GTSE1: variants seen among roughly 807,000 people sequenced by gnomAD.
GTSE1 encodes G2 and S phase-expressed protein 1.
In GTSE1, 52 loss-of-function variants were observed where a neutral mutation model predicts 60.5. The ratio of observed to expected loss-of-function variants is 0.86; its 90% CI spans 0.69 to 1.08. The LOEUF (loss-of-function observed/expected upper bound fraction) is 1.08, where lower values mean the gene tolerates loss of function less well. Among genes scored for constraint, GTSE1 ranks in the 50% least tolerant of loss-of-function variants. The pLI is 0.00. For synonymous variants in GTSE1, 368 were observed against 386.5 expected, an observed-to-expected ratio of 0.95 and a Z score of 0.56; for missense variants, 937 against 961.8, an observed-to-expected ratio of 0.97 and a Z score of 0.34.
In GTSE1 at chr22:46,313,573, A is replaced by C. The variant is rs562127023; in HGVS notation, c.928-317A>C. On this transcript the variant is annotated intron_variant, in intron 5 of 11. Transcript: ENST00000454366. This position sits in a 1 kb window ranked among gnomAD's most constrained non-coding sequence, Gnocchi z 4.4. Reference sequence around the variant, plus strand: ...GCCCAGGCTGGAGTGCAATGGCACGAGCTCAGCTCACTACAACCTCCACCT... The same window carrying C: ...GCCCAGGCTGGAGTGCAATGGCACGCGCTCAGCTCACTACAACCTCCACCT... Among the ~76,000 whole-genome samples, 1 of 152,364 alleles carries C rather than the reference A, an allele frequency of 6.6e-6. No homozygotes were observed. The highest frequency in any genetic ancestry group is 2.1e-4 in the South Asian group (1 of 4,828).
chr22:46,314,046 T>A lies in GTSE1; in HGVS notation c.1051+33T>A. On this transcript the variant is annotated intron_variant, in intron 6 of 11. Transcript: ENST00000454366. The surrounding 1 kb of genome is among the most constrained non-coding windows in gnomAD (Gnocchi z 7.1). ...AGCCGGCATCATGCTTGGACCCACATCTGGCCAGGTGAGGCCTGGAGTGCT... is the reference window on the plus strand; with the variant it reads ...AGCCGGCATCATGCTTGGACCCACAACTGGCCAGGTGAGGCCTGGAGTGCT... The A allele has an allele frequency of 6.2e-7, 1 of 1,612,200 alleles. No individual in the cohort carries two copies. Among genetic ancestry groups the A allele is most frequent in the Non-Finnish European group, 8.5e-7 (1 of 1,178,802 alleles).
At chr22:46,307,503 T>C (rs1269048320) in intron 2 of GTSE1, among the ~76,000 whole-genome samples, 3 of 148,072 alleles carry the variant, frequency 2.0e-5, no homozygotes, top group African/African-American at 7.8e-5. Context: ...GAATGGCTGA[T>C]GTAATTTCTT....
In GTSE1 at chr22:46,323,260, C is replaced by A; in HGVS notation, c.1503C>A (p.Gly501=). The A allele has an allele frequency of 6.2e-7, 1 of 1,611,188 alleles. No homozygotes were observed. Among genetic ancestry groups the A allele is most frequent in the Non-Finnish European group, 8.5e-7 (1 of 1,177,336 alleles). Reference sequence around the variant, plus strand: ...GGCCGCAGTCGTGCACGTCAGTTGGCAGGTGAGTGACGTTGGTCCGCTTCC... The same window carrying A: ...GGCCGCAGTCGTGCACGTCAGTTGGAAGGTGAGTGACGTTGGTCCGCTTCC... ...AQRPQSCTSV[G]RVTVHSTPVR... The change falls in exon 8 of 12, where the codon GGC becomes GGA. Residue 501 remains glycine, a splice_region_variant and synonymous_variant. Coordinates refer to ENST00000454366, the MANE Select transcript of GTSE1 (RefSeq NM_016426.7).
intron 8 of GTSE1, 26 bp from the exon 9 acceptor site, chr22:46,326,410 C>T (rs2147833538): frequency 6.5e-7 from 1 of 1,547,910 alleles, no homozygotes; most frequent in East Asian, 2.3e-5. Flanking sequence ...CATCTCAGCT[C>T]ACGACACTGA....
chr22:46,317,636 G>GAC lies in GTSE1; in HGVS notation c.1432+1225_1432+1226insCA, dbSNP rs1285942643. Among the ~76,000 whole-genome samples, 1 of 152,224 alleles carries GAC rather than the reference G, an allele frequency of 6.6e-6. No homozygotes were observed. The highest frequency in any genetic ancestry group is 1.5e-5 in the Non-Finnish European group (1 of 68,040). On this transcript the variant is annotated intron_variant, in intron 7 of 11. Coordinates refer to ENST00000454366, the MANE Select transcript of GTSE1 (RefSeq NM_016426.7). This position sits in a 1 kb window ranked among gnomAD's most constrained non-coding sequence, Gnocchi z 5.6. ...CTGGATTTTGTTGTCTTTCTCTGAG[G>GAC]AGTTGGGTTGGGCTTGGCAGGCAGT...
Position 46,316,538 on chromosome 22 carries a change from G to A in GTSE1, c.1432+126G>A, listed in dbSNP as rs566287547. ...CTTTCCTCCAACAGTGCTTTCAGGT[G>A]TGACCCGCTGTCTTCTCGCCCACGT... On this transcript the variant is annotated intron_variant, in intron 7 of 11. Coordinates refer to ENST00000454366, the MANE Select transcript of GTSE1 (RefSeq NM_016426.7). This position sits in a 1 kb window ranked among gnomAD's most constrained non-coding sequence, Gnocchi z 5.0. 4.2e-6 allele frequency: 3 copies of A among 717,532 alleles called. No homozygotes were observed. The highest frequency in any genetic ancestry group is 3.6e-5 in the African/African-American group (2 of 56,050). 44.4% of individuals were successfully genotyped at this position (717,532 alleles called of 1,614,324 possible). A position where few individuals can be genotyped will look rare whatever the true frequency, so the allele number is the denominator to read the frequency against.
intron 10 of GTSE1, 71 bp downstream of exon 10, chr22:46,328,960 C>A: frequency 7.9e-7 from 1 of 1,262,160 alleles, no homozygotes; most frequent in African/African-American, 1.5e-5. Flanking sequence ...GCCCGTGGAA[C>A]CCAGGGCTGT....
At chr22:46,325,645 AC>A (rs2077839379) in intron 8 of GTSE1, among the ~76,000 whole-genome samples, 1 of 152,176 alleles carries the variant, frequency 6.6e-6, no homozygotes, top group Non-Finnish European at 1.5e-5. Flanking sequence ...ACAGGTATGC[AC>A]CAATGTGCCC....
rs148713898 is a variant in GTSE1, at chr22:46,316,331, C to T, written c.1351C>T (p.Arg451Trp). 121 of 1,613,038 alleles carry T rather than the reference C, an allele frequency of 7.5e-5. No homozygotes were observed. In the African/African-American group the frequency reaches 1.2e-3, roughly 16 times the overall value. ...SQLNKTRSIR[R>W]RDSCLNSKTK... ...ATTGAATAAGACTAGAAGTATCAGACGGCGAGATTCCTGTCTAAATTCCAA... is the reference window on the plus strand; with the variant it reads ...ATTGAATAAGACTAGAAGTATCAGATGGCGAGATTCCTGTCTAAATTCCAA... Residue 451 changes from arginine (R) to tryptophan (W), a missense_variant, in exon 7 of 12, where the codon CGG becomes TGG. Transcript: ENST00000454366. The surrounding 1 kb of genome is among the most constrained non-coding windows in gnomAD (Gnocchi z 5.0).
At chr22:46,305,719 C>T (rs1195986560) in intron 2 of GTSE1, among the ~76,000 whole-genome samples, 2 of 151,286 alleles carry the variant, frequency 1.3e-5, no homozygotes, top group African/African-American at 2.4e-5. Context: ...CCAGCCTGGC[C>T]AACATGGTGA....
At position 46,316,550 on chromosome 22, in the gene GTSE1, C is replaced by A; in HGVS notation, c.1432+138C>A. ...AGTGCTTTCAGGTGTGACCCGCTGT[C>A]TTCTCGCCCACGTTGTTTTGGGGGG... On this transcript the variant is annotated intron_variant, in intron 7 of 11. Transcript: ENST00000454366. The surrounding 1 kb of genome is among the most constrained non-coding windows in gnomAD (Gnocchi z 5.0). The A allele has an allele frequency of 1.5e-6, 1 of 671,692 alleles. No individual in the cohort carries two copies. The highest frequency in any genetic ancestry group is 2.5e-6 in the Non-Finnish European group (1 of 399,278). The allele number at this position is 671,692 out of a possible 1,614,324, so 41.6% of individuals were successfully genotyped here.
chr22:46,313,540 ACT>A lies in GTSE1; in HGVS notation c.928-347_928-346del, dbSNP rs1160810769. The stretch of plus-strand genomic sequence containing the variant: ...GTTGTTGTTGTTGAGACGGAGTCTC[ACT>A]CTGTCGCCCAGGCTGGAGTGCAATG... On this transcript the variant is annotated intron_variant, in intron 5 of 11. Transcript: ENST00000454366. This position sits in a 1 kb window ranked among gnomAD's most constrained non-coding sequence, Gnocchi z 4.4. Among the ~76,000 whole-genome samples the A allele has an allele frequency of 6.6e-6, 1 of 152,132 alleles. No individual in the cohort carries two copies. The highest frequency in any genetic ancestry group is 2.4e-5 in the African/African-American group (1 of 41,420).
At chr22:46,326,740 C>T in intron 9 of GTSE1, 86 bp downstream of exon 9, 3 of 934,686 alleles carry the variant, frequency 3.2e-6, no homozygotes, top group African/African-American at 1.7e-5. Context: ...TTGCCTTGCT[C>T]CAGGTTTTAG....
At position 46,313,395 on chromosome 22, in the gene GTSE1, C is replaced by T. The variant is rs946565433; in HGVS notation, c.928-495C>T. ...TTTCTGCTAGCTCCCTAATGTGGTC[C>T]TCATGCAGGGGTTTGAAGACTACAC... On this transcript the variant is annotated intron_variant, in intron 5 of 11. Coordinates refer to ENST00000454366, the MANE Select transcript of GTSE1 (RefSeq NM_016426.7). This position sits in a 1 kb window ranked among gnomAD's most constrained non-coding sequence, Gnocchi z 4.4. Among the ~76,000 whole-genome samples, 2 of 152,096 alleles carry T rather than the reference C, an allele frequency of 1.3e-5. No individual in the cohort carries two copies. Among genetic ancestry groups the T allele is most frequent in the Admixed American group, 1.3e-4 (2 of 15,270 alleles).
chr22:46,317,626 T>C lies in GTSE1; in HGVS notation c.1432+1214T>C, dbSNP rs1485140051. Among the ~76,000 whole-genome samples the C allele has an allele frequency of 6.6e-6, 1 of 152,258 alleles. No homozygotes were observed. Among genetic ancestry groups the C allele is most frequent in the Non-Finnish European group, 1.5e-5 (1 of 68,042 alleles). ...TTTTGAATGTCTGGATTTTGTTGTCTTTCTCTGAGGAGTTGGGTTGGGCTT... is the reference window on the plus strand; with the variant it reads ...TTTTGAATGTCTGGATTTTGTTGTCCTTCTCTGAGGAGTTGGGTTGGGCTT... On this transcript the variant is annotated intron_variant, in intron 7 of 11. Transcript: ENST00000454366. The surrounding 1 kb of genome is among the most constrained non-coding windows in gnomAD (Gnocchi z 5.6).
rs530220831 is a variant in GTSE1, at chr22:46,328,437, A to G, written c.1725-251A>G. On this transcript the variant is annotated intron_variant, in intron 9 of 11. Coordinates refer to ENST00000454366, the MANE Select transcript of GTSE1 (RefSeq NM_016426.7). Reference sequence around the variant, plus strand: ...CGTGCGCATTACCTTGTGTTTAGTAACTAGAAAGGAAGGGGCTAACATCAG... The same window carrying G: ...CGTGCGCATTACCTTGTGTTTAGTAGCTAGAAAGGAAGGGGCTAACATCAG... Among the ~76,000 whole-genome samples the G allele has an allele frequency of 4.6e-5, 7 of 152,300 alleles. No individual in the cohort carries two copies. The East Asian group carries it at 1.3e-3, about 29-fold the overall frequency.
In GTSE1 at chr22:46,308,659, T is replaced by A. The variant is rs1199307690; in HGVS notation, c.478T>A (p.Ser160Thr). 1 of 1,613,980 alleles carries A rather than the reference T, an allele frequency of 6.2e-7. No individual in the cohort carries two copies. The highest frequency in any genetic ancestry group is 8.5e-7 in the Non-Finnish European group (1 of 1,180,022). ...KEKEMKKSPT[S>T]LKRETYYLSD... is the part of the protein sequence containing the mutation. ...AAAGGAAATGAAGAAAAGCCCCACGTCTCTTAAAAGGGAGACATACTACCT... is the reference window on the plus strand; with the variant it reads ...AAAGGAAATGAAGAAAAGCCCCACGACTCTTAAAAGGGAGACATACTACCT... The change falls in exon 4 of 12, where the codon TCT (serine) becomes ACT (threonine). Residue 160 changes from serine to threonine, a missense_variant. Ser to Thr is a moderately conservative substitution (Grantham distance 58). Coordinates refer to ENST00000454366, the MANE Select transcript of GTSE1 (RefSeq NM_016426.7).
rs2077845098 is a variant in GTSE1, at chr22:46,326,527, C to A, written c.1597C>A (p.Pro533Thr). 3 of 1,613,952 alleles carry A rather than the reference C, an allele frequency of 1.9e-6. No homozygotes were observed. ...SAWRVSALPT[P>T]ASRRCSGLPP... Reference sequence around the variant, plus strand: ...ATGGCGTGTGTCAGCCTTGCCCACACCCGCCAGCCGGCGCTGCTCTGGCCT... The same window carrying A: ...ATGGCGTGTGTCAGCCTTGCCCACAACCGCCAGCCGGCGCTGCTCTGGCCT... Residue 533 changes from proline to threonine, a missense_variant, in exon 9 of 12, where the codon CCC (proline) becomes ACC (threonine). Pro to Thr is a conservative substitution (Grantham distance 38). Coordinates refer to ENST00000454366, the MANE Select transcript of GTSE1 (RefSeq NM_016426.7).
At chr22:46,301,039 C>T (rs930649016) in intron 2 of GTSE1, among the ~76,000 whole-genome samples, 1 of 152,150 alleles carries the variant, frequency 6.6e-6, no homozygotes, top group Admixed American at 6.5e-5. Flanking sequence ...GTTTTTCAGG[C>T]TTAATTTATC....
Sources: allele counts gnomAD v4.1 joint callset (sites outside exome capture counted in the v4.1 genomes callset), GRCh38; gene constraint gnomAD v4.1.1; non-coding constraint Gnocchi (gnomAD v3.1); transcripts MANE v1.5; gene names NCBI Gene and HGNC (gene_info 2026-07-23, HGNC 2026-07-21).